The following IRAK4 variants were observed in gnomAD, a reference collection of about 807,000 sequenced individuals.
IRAK4 encodes interleukin-1 receptor-associated kinase 4.
In IRAK4, 44 loss-of-function variants were observed where a neutral mutation model predicts 51.8. That is an observed-to-expected ratio of 0.85 (90% CI 0.67 to 1.09). IRAK4 has a LOEUF of 1.09. Among genes scored for constraint, IRAK4 ranks in the 50% least tolerant of loss-of-function variants. The pLI is 0.00. For synonymous variants in IRAK4, 149 were observed against 174.1 expected (o/e 0.86, Z 1.13); for missense variants, 487 against 538.0 (o/e 0.91, Z 0.94).
At chr12:43,766,524 C>T (rs1309590706) in intron 1 of IRAK4, among the ~76,000 whole-genome samples, 2 of 152,128 alleles carry the variant, frequency 1.3e-5, no homozygotes, top group African/African-American at 4.8e-5. Context: ...TTTCTCTTCT[C>T]TGTGCTCCCA....
intron 5 of IRAK4, among the ~76,000 whole-genome samples, chr12:43,773,440 T>A (rs1314205877): frequency 1.3e-5 from 2 of 152,156 alleles, no homozygotes; most frequent in East Asian, 3.8e-4. Flanking sequence ...AAAATAAAAT[T>A]TAGGAAGTAT....
intron 1 of IRAK4, among the ~76,000 whole-genome samples, chr12:43,767,844 A>G (rs947648252): frequency 6.6e-6 from 1 of 152,194 alleles, no homozygotes; most frequent in African/African-American, 2.4e-5. Flanking sequence ...GGAAAATATC[A>G]GTGTCAGAAA....
intron 10 of IRAK4, among the ~76,000 whole-genome samples, chr12:43,785,351 C>T (rs1159965258): frequency 6.6e-6 from 1 of 151,782 alleles, no homozygotes; most frequent in Non-Finnish European, 1.5e-5. Context: ...CCTATTTTTT[C>T]CCCTCCTTTT....
At chr12:43,782,555 T>G in intron 9 of IRAK4, 65 bp downstream of exon 9, 10 of 1,240,302 alleles carry the variant, frequency 8.1e-6, no homozygotes, top group Middle Eastern at 2.0e-4. Context: ...ATGAAGAGAA[T>G]ATTATTTAAT....
At chr12:43,763,327 C>T (rs1027387225) in intron 1 of IRAK4, 1 of 152,066 alleles carries the variant, frequency 6.6e-6, no homozygotes, top group African/African-American at 2.4e-5. Context: ...ATACATCAAC[C>T]AAAACAACAT....
At chr12:43,765,886 C>T (rs897094658) in intron 1 of IRAK4, among the ~76,000 whole-genome samples, 2 of 151,406 alleles carry the variant, frequency 1.3e-5, no homozygotes, top group Non-Finnish European at 2.9e-5. Context: ...CTTCTAATCG[C>T]TCATCTCTAG....
chr12:43,771,072 C>T (rs1268525562), intron 2 of IRAK4, 148 bp from the exon 3 acceptor site: 2 of 748,828 alleles, frequency 2.7e-6, no homozygotes, highest in South Asian at 3.0e-5. Context: ...CAGATGCAGC[C>T]TCTCGATCTT....
At chr12:43,777,960 T>G (rs1294353037) in intron 7 of IRAK4, among the ~76,000 whole-genome samples, 1 of 152,234 alleles carries the variant, frequency 6.6e-6, no homozygotes, top group Non-Finnish European at 1.5e-5. Flanking sequence ...AGAATTCAGT[T>G]AAGACTATAC....
intron 8 of IRAK4, among the ~76,000 whole-genome samples, chr12:43,779,325 G>T (rs4251510): frequency 6.6e-6 from 1 of 152,080 alleles, no homozygotes; most frequent in Non-Finnish European, 1.5e-5. Flanking sequence ...GTGGATTGGA[G>T]ATAAAACTAC....
At chr12:43,784,602 C>G (rs997212594) in intron 10 of IRAK4, among the ~76,000 whole-genome samples, 1 of 152,132 alleles carries the variant, frequency 6.6e-6, no homozygotes, top group African/African-American at 2.4e-5. Context: ...ATCGTTTTGC[C>G]TAAGACTTTT....
Position 43,779,825 on chromosome 12 carries a change from G to C in IRAK4, c.941+1523G>C, listed in dbSNP as rs185309602. Among the ~76,000 whole-genome samples the C allele has an allele frequency of 2.6e-4, 39 of 152,332 alleles. 1 individual carries two copies. Among genetic ancestry groups the C allele is most frequent in the African/African-American group, 8.7e-4 (36 of 41,570 alleles). ...GATGTAGTAGTAGAGATGGTAGACA[G>C]TGTGATATACAGATTTGGAGCTGGA... is the stretch of plus-strand genomic sequence containing the variant. On this transcript the variant is annotated intron_variant, in intron 8 of 11. Coordinates refer to ENST00000613694, the MANE Select transcript of IRAK4 (RefSeq NM_016123.4).
At chr12:43,768,491 T>G in intron 2 of IRAK4, 1 of 382,886 alleles carries the variant, frequency 2.6e-6, no homozygotes, top group Non-Finnish European at 4.6e-6. Flanking sequence ...CTCAAATAAG[T>G]TTTTTGGGTT....
At chr12:43,779,650 A>G (rs1941603834) in intron 8 of IRAK4, among the ~76,000 whole-genome samples, 1 of 152,180 alleles carries the variant, frequency 6.6e-6, no homozygotes, top group Non-Finnish European at 1.5e-5. Context: ...CTCCTGGAAT[A>G]ATGGCATCCA....
At chr12:43,784,124 A>G (rs1942017334) in intron 10 of IRAK4, among the ~76,000 whole-genome samples, 2 of 152,194 alleles carry the variant, frequency 1.3e-5, no homozygotes, top group African/African-American at 4.8e-5. Context: ...TTGCTAGTAA[A>G]AGTTATCACT....
chr12:43,782,268 G>A, intron 8 of IRAK4, 39 bp from the exon 9 acceptor site: 6 of 1,511,210 alleles, frequency 4.0e-6, no homozygotes, highest in Non-Finnish European at 5.5e-6. Context: ...TTTGGGGTGG[G>A]AAAAACATTT....
intron 1 of IRAK4, among the ~76,000 whole-genome samples, chr12:43,760,401 TC>T (rs1462918732): frequency 3.3e-5 from 5 of 152,174 alleles, no homozygotes; most frequent in African/African-American, 9.7e-5. Flanking sequence ...AGCCCCAGTA[TC>T]CTTCTAAGAC....
chr12:43,762,038 AG>A (rs1035003062), intron 1 of IRAK4, among the ~76,000 whole-genome samples: 88 of 138,240 alleles, frequency 6.4e-4, no homozygotes, highest in Admixed American at 2.7e-3. Flanking sequence ...ACACTTTTTA[AG>A]TTTTTTTTTG....
intron 2 of IRAK4, among the ~76,000 whole-genome samples, chr12:43,770,694 T>G (rs1252677708): frequency 6.6e-6 from 1 of 152,116 alleles, no homozygotes; most frequent in Non-Finnish European, 1.5e-5. Flanking sequence ...TAGGAGATGC[T>G]GTGGGCAAAA....
intron 1 of IRAK4, 78 bp from the exon 2 acceptor site, chr12:43,768,025 C>A: frequency 9.7e-7 from 1 of 1,032,138 alleles, no homozygotes; most frequent in Non-Finnish European, 1.5e-6. Context: ...TATGATATAG[C>A]AAAGTGTGAT....
Sources: gnomAD v4.1 joint callset for allele counts (sites outside exome capture counted in the v4.1 genomes callset) on GRCh38, gnomAD v4.1.1 for gene constraint, MANE v1.5 for transcripts, NCBI Gene and HGNC (gene_info 2026-07-23, HGNC 2026-07-21) for gene names.